KCNC4: variants seen among roughly 807,000 people sequenced by gnomAD.
The protein encoded by KCNC4 is voltage-gated potassium channel KCNC4.
A neutral mutation model predicts 42.8 loss-of-function variants in KCNC4; 23 were observed. That is an observed-to-expected ratio of 0.54 (90% CI 0.39 to 0.76). KCNC4 has a LOEUF of 0.76. KCNC4 is among the 30% of genes least tolerant of loss of function. The probability of loss-of-function intolerance (pLI) is 0.00; values close to 1 mark genes in which losing one functional copy is unlikely to be tolerated. For synonymous variants in KCNC4, 422 were observed against 393.5 expected (o/e 1.07, Z -0.86); for missense variants, 751 against 898.2 (o/e 0.84, Z 2.10).
chr1:110,278,080 G>A (rs963948142), intron 1 of KCNC4, among the ~76,000 whole-genome samples: 2 of 151,414 alleles, frequency 1.3e-5, no homozygotes, highest in South Asian at 2.1e-4. Flanking sequence ...CCAGGAGGTC[G>A]AGGCTGCTGT....
chr1:110,222,803 A>G lies in KCNC4; in HGVS notation c.679-161A>G, dbSNP rs1658170459. On this transcript the variant is annotated intron_variant, in intron 1 of 3. Coordinates refer to ENST00000438661, the MANE Select transcript of KCNC4 (RefSeq NM_001039574.3). ...AGAGCCCCCAAGCATATGGATAAAG[A>G]CCCTCTGAGGAGGGACTTCCAGCCC... 8.3e-6 allele frequency: 5 copies of G among 601,804 alleles called. No individual in the cohort carries two copies. In the South Asian group the frequency reaches 1.0e-4, roughly 12 times the overall value. The allele number at this position is 601,804 out of a possible 1,614,324, so 37.3% of individuals were successfully genotyped here. A position where few individuals can be genotyped will look rare whatever the true frequency, so the allele number is the denominator to read the frequency against.
At chr1:110,238,537 G>A (rs1369864470), downstream of KCNC4, 2 of 152,126 alleles carry the variant, frequency 1.3e-5, no homozygotes, top group African/African-American at 4.8e-5. Flanking sequence ...AACATATGTG[G>A]CATCTCTGTC....
downstream of KCNC4, chr1:110,238,511 GTTCA>G (rs1658957490): frequency 6.6e-6 from 1 of 152,126 alleles, no homozygotes; most frequent in African/African-American, 2.4e-5. Flanking sequence ...TCATTCATTT[GTTCA>G]TTCATTCAGC....
At chr1:110,246,847 C>G (rs1279808409) in exon 4 of KCNC4, 1 of 146,478 alleles carries the variant, frequency 6.8e-6, no homozygotes, top group Non-Finnish European at 1.5e-5. Context: ...TATATCAGGG[C>G]TTTTAGAGTA....
In KCNC4 at chr1:110,223,825, TC is replaced by T. The variant is rs766560714; in HGVS notation, c.1546del (p.Arg516GlyfsTer17). On this transcript the variant is annotated frameshift_variant, in exon 2 of 4. Coordinates refer to ENST00000438661, the MANE Select transcript of KCNC4 (RefSeq NM_001039574.3). LOFTEE classifies it high-confidence loss of function. This position sits in a 1 kb window ranked among gnomAD's most constrained non-coding sequence, Gnocchi z 7.5. The stretch of plus-strand genomic sequence containing the variant: ...CATGTACTGCAAGTCTGAGGAGACT[TC>T]CCCCCGGGACAGCACCTGCAGTGAT... ...SPMYCKSEET[S>X]PRDSTCSDTS... 5 of 1,613,006 alleles carry T rather than the reference TC, an allele frequency of 3.1e-6. No individual in the cohort carries two copies. The highest frequency in any genetic ancestry group is 3.4e-6 in the Non-Finnish European group (4 of 1,179,322).
At chr1:110,236,411 A>G (rs1658909428), downstream of KCNC4, 1 of 152,238 alleles carries the variant, frequency 6.6e-6, no homozygotes, top group Non-Finnish European at 1.5e-5. Context: ...CTTGTGAGTC[A>G]TAACCTCCAG....
rs1278317737 is a variant in KCNC4 at position 110,211,478 on chromosome 1, C to G, written c.-22C>G. ...TTTGGAGGGCAGCGGCCGCCCCAAGCCGGAGCCCCGCAGCGCTTCTTATGA... is the reference window on the plus strand; with the variant it reads ...TTTGGAGGGCAGCGGCCGCCCCAAGGCGGAGCCCCGCAGCGCTTCTTATGA... On this transcript the variant is annotated 5_prime_UTR_variant, in exon 1 of 4. Transcript: ENST00000438661. The surrounding 1 kb of genome is among the most constrained non-coding windows in gnomAD (Gnocchi z 6.5). 3.1e-6 allele frequency: 5 copies of G among 1,597,724 alleles called. No homozygotes were observed.
At chr1:110,243,044 A>T (rs943552315) in exon 4 of KCNC4, 3 of 152,258 alleles carry the variant, frequency 2.0e-5, no homozygotes, top group African/African-American at 7.2e-5. Context: ...AGAAGGAAAC[A>T]TCTCCAGATT....
At chr1:110,265,013 G>A (rs1276533690) in intron 1 of KCNC4, among the ~76,000 whole-genome samples, 12 of 151,316 alleles carry the variant, frequency 7.9e-5, no homozygotes, top group East Asian at 1.9e-4. Flanking sequence ...CCCGGGAGGC[G>A]GAGGTTGCAG....
intron 3 of KCNC4, chr1:110,232,649 A>G (rs2101042482): frequency 1.4e-6 from 2 of 1,445,048 alleles, no homozygotes; most frequent in South Asian, 1.5e-5. Context: ...GGGTTGGCAG[A>G]GGGGTGAAGG....
At chr1:110,263,093 A>G (rs1316699883) in intron 1 of KCNC4, among the ~76,000 whole-genome samples, 1 of 152,172 alleles carries the variant, frequency 6.6e-6, no homozygotes, top group African/African-American at 2.4e-5. Context: ...GGGAGTTGCC[A>G]TGTGCTGTGG....
downstream of KCNC4, chr1:110,234,748 T>C (rs1658860595): frequency 6.6e-6 from 1 of 152,420 alleles, no homozygotes; most frequent in Non-Finnish European, 1.5e-5. Context: ...GTTTCCATCT[T>C]GCACCAGGCT....
intron 3 of KCNC4, among the ~76,000 whole-genome samples, chr1:110,228,126 C>T (rs114238433): frequency 0.015 from 2,277 of 152,318 alleles, 48 homozygotes; most frequent in African/African-American, 0.051. Context: ...TACCGTGCCG[C>T]ACTTCTCCAC....
At position 110,233,114 on chromosome 1, in the gene KCNC4, C is replaced by T. The variant is rs59598110; in HGVS notation, c.*142C>T. The T allele has an allele frequency of 7.9e-4, 854 of 1,076,478 alleles. 4 individuals are homozygous for T. In the African/African-American group the frequency reaches 0.012, roughly 15 times the overall value. The allele number at this position is 1,076,478 out of a possible 1,614,324, so 66.7% of individuals were successfully genotyped here. A position where few individuals can be genotyped will look rare whatever the true frequency, so the allele number is the denominator to read the frequency against. ...CAGGACTGGTGGAAAATCTCCCATG[C>T]GACCCTCGGGGCCCAGAGCCATCTG... On this transcript the variant is annotated 3_prime_UTR_variant, in exon 4 of 4. Transcript: ENST00000438661.
intron 1 of KCNC4, among the ~76,000 whole-genome samples, chr1:110,265,799 T>A (rs1659532046): frequency 6.6e-6 from 1 of 152,188 alleles, no homozygotes; most frequent in South Asian, 2.1e-4. Context: ...GAAACTGGGC[T>A]GGTGGTGCTC....
intron 1 of KCNC4, among the ~76,000 whole-genome samples, chr1:110,266,237 A>G (rs1659538780): frequency 6.6e-6 from 1 of 152,226 alleles, no homozygotes; most frequent in Non-Finnish European, 1.5e-5. Flanking sequence ...ACACTGTTGC[A>G]TGGGGAGAGA....
intron 1 of KCNC4, among the ~76,000 whole-genome samples, chr1:110,257,107 T>C (rs1659345130): frequency 1.3e-5 from 2 of 152,218 alleles, no homozygotes; most frequent in African/African-American, 2.4e-5. Context: ...ATAAAGTAAA[T>C]GATTCTCTTG....
chr1:110,230,613 A>G (rs1306182768), intron 3 of KCNC4, among the ~76,000 whole-genome samples: 1 of 151,836 alleles, frequency 6.6e-6, no homozygotes, highest in Non-Finnish European at 1.5e-5. Context: ...GGCTCATGGC[A>G]CCCCTACGGT....
At chr1:110,282,859 C>T (rs1659852880) in intron 2 of KCNC4, 1 of 152,198 alleles carries the variant, frequency 6.6e-6, no homozygotes, top group Non-Finnish European at 1.5e-5. Context: ...AACTGGGAGA[C>T]ATGACTTAAG....
Sources: gnomAD v4.1 joint callset for allele counts (sites outside exome capture counted in the v4.1 genomes callset) on GRCh38, gnomAD v4.1.1 for gene constraint, Gnocchi (gnomAD v3.1) non-coding constraint, MANE v1.5 for transcripts, NCBI Gene and HGNC (gene_info 2026-07-23, HGNC 2026-07-21) for gene names.